The following KY variants were observed in gnomAD, a reference collection of about 807,000 sequenced individuals.
The protein encoded by KY is kyphoscoliosis peptidase.
A neutral mutation model predicts 76.1 loss-of-function variants in KY; 43 were observed. The observed-to-expected ratio is 0.57, with a 90% confidence interval of 0.44 to 0.73. KY has a LOEUF of 0.73. Among genes scored for constraint, KY ranks in the 30% least tolerant of loss-of-function variants. The pLI, the probability that KY is intolerant of heterozygous loss-of-function variation, is 0.00. For synonymous variants in KY, 277 were observed against 326.2 expected, an observed-to-expected ratio of 0.85 and a Z score of 1.63; for missense variants, 722 against 828.9, an observed-to-expected ratio of 0.87 and a Z score of 1.58.
At chr3:134,622,323 T>G (rs191817658) in intron 6 of KY, among the ~76,000 whole-genome samples, 1 of 152,274 alleles carries the variant, frequency 6.6e-6, no homozygotes, top group Admixed American at 6.5e-5. Flanking sequence ...CATCCATGAA[T>G]GAAAGGATAA....
intron 3 of KY, among the ~76,000 whole-genome samples, chr3:134,638,831 A>G (rs1272990218): frequency 6.6e-6 from 1 of 152,196 alleles, no homozygotes; most frequent in East Asian, 1.9e-4. Flanking sequence ...AGTATGGCAA[A>G]CAGGTTTCAT....
chr3:134,640,755 C>T lies in KY; in HGVS notation c.262+2561G>A, dbSNP rs75905615. ...CTTCCTGCATCTCCCTCATCTTCAT[C>T]CTCCCCATTGCTCAGGTCCCAAGCC... is the stretch of plus-strand genomic sequence containing the variant. On this transcript the variant is annotated intron_variant, in intron 3 of 10. Transcript: ENST00000423778. 2.1e-3 allele frequency among the ~76,000 whole-genome samples: 323 copies of T among 152,322 alleles called. 3 individuals carry two copies. Among genetic ancestry groups the T allele is most frequent in the Non-Finnish European group, 2.9e-3 (196 of 68,030 alleles).
chr3:134,643,837 T>TC (rs1966086663), intron 2 of KY, among the ~76,000 whole-genome samples: 4 of 151,600 alleles, frequency 2.6e-5, no homozygotes, highest in Admixed American at 2.0e-4. Flanking sequence ...TTCTTTTTTT[T>TC]TTTTTTTGAG....
At position 134,600,751 on chromosome 3, in the gene KY, C is replaced by G. The variant is rs1958928460; in HGVS notation, c.*2828G>C. ...CCATCCAGTCCTATGTCAAGTGCTT[C>G]TGTTTCAAGAAGTTATTTCCAGGCA... On this transcript the variant is annotated 3_prime_UTR_variant, in exon 11 of 11. Coordinates refer to ENST00000423778, the MANE Select transcript of KY (RefSeq NM_178554.6). 6.6e-6 allele frequency: 1 copy of G among 152,268 alleles called. No individual in the cohort carries two copies. Among genetic ancestry groups the G allele is most frequent in the Non-Finnish European group, 1.5e-5 (1 of 68,080 alleles). The allele number at this position is 152,268 out of a possible 1,614,324, so 9.4% of individuals were successfully genotyped here.
At chr3:134,610,516 A>G (rs891293484) in intron 8 of KY, 133 bp from the exon 9 acceptor site, 1 of 742,456 alleles carries the variant, frequency 1.3e-6, no homozygotes, top group Non-Finnish European at 2.2e-6. Context: ...TGCTTCTTGT[A>G]CTCACATATA....
chr3:134,619,728 G>T (rs79169524), intron 7 of KY, among the ~76,000 whole-genome samples: 1 of 152,384 alleles, frequency 6.6e-6, no homozygotes, highest in African/African-American at 2.4e-5. Context: ...ACATTGCAAA[G>T]AAGCCTGAGG....
At chr3:134,608,542 G>C in intron 10 of KY, 107 bp downstream of exon 10, 2 of 1,604,822 alleles carry the variant, frequency 1.2e-6, no homozygotes, top group South Asian at 2.2e-5. Flanking sequence ...CAAGCCATGC[G>C]TCTGGAAGGG....
Position 134,603,461 on chromosome 3 carries a change from G to A in KY, c.*118C>T, listed in dbSNP as rs746904033. 1 of 880,552 alleles carries A rather than the reference G, an allele frequency of 1.1e-6. No individual in the cohort carries two copies. Among genetic ancestry groups the A allele is most frequent in the Admixed American group, 2.5e-5 (1 of 40,376 alleles). The allele number at this position is 880,552 out of a possible 1,614,324, so 54.5% of individuals were successfully genotyped here. ...GCAGAGGTGGGACACTGAGGCAGAGGCCTAGAAGGGATTTCATGCAGACTC... is the reference window on the plus strand; with the variant it reads ...GCAGAGGTGGGACACTGAGGCAGAGACCTAGAAGGGATTTCATGCAGACTC... On this transcript the variant is annotated 3_prime_UTR_variant, in exon 11 of 11. Coordinates refer to ENST00000423778, the MANE Select transcript of KY (RefSeq NM_178554.6).
chr3:134,608,914 G>A, intron 9 of KY, 75 bp from the exon 10 acceptor site: 1 of 1,505,450 alleles, frequency 6.6e-7, no homozygotes, highest in Non-Finnish European at 8.9e-7. Flanking sequence ...CACCGGAGTG[G>A]TCCTATGGAC....
intron 6 of KY, among the ~76,000 whole-genome samples, chr3:134,621,333 C>A (rs1962578027): frequency 6.6e-6 from 1 of 152,084 alleles, no homozygotes; most frequent in Non-Finnish European, 1.5e-5. Context: ...TGTAGAACTA[C>A]AGTAATCAAA....
Position 134,603,656 on chromosome 3 carries a change from CT to C in KY, c.1908del (p.Val637SerfsTer18). The C allele has an allele frequency of 1.9e-6, 3 of 1,613,472 alleles. No individual in the cohort carries two copies. Among genetic ancestry groups the C allele is most frequent in the Non-Finnish European group, 1.7e-6 (2 of 1,179,616 alleles). On this transcript the variant is annotated frameshift_variant, in exon 11 of 11. Transcript: ENST00000423778. LOFTEE classifies it high-confidence loss of function. ...EGSCSTAGCQ[E>X]VYVMVLENAN... is the part of the protein sequence containing the mutation. Reference sequence around the variant, plus strand: ...GCATTCTCCAGCACCATGACATAGACTTCCTGGCAGCCAGCTGTGCTGCAGC... The same window carrying C: ...GCATTCTCCAGCACCATGACATAGACTCCTGGCAGCCAGCTGTGCTGCAGC...
rs1959054936 is a variant in KY at position 134,603,405 on chromosome 3, C to A, written c.*174G>T. The stretch of plus-strand genomic sequence containing the variant: ...CAGTCACAGCCACACCTGAGTGAAG[C>A]CTTCAGAACACAAAGATCACAGCTC... On this transcript the variant is annotated 3_prime_UTR_variant, in exon 11 of 11. Coordinates refer to ENST00000423778, the MANE Select transcript of KY (RefSeq NM_178554.6). The A allele has an allele frequency of 3.4e-6, 2 of 587,558 alleles. No individual in the cohort carries two copies. The highest frequency in any genetic ancestry group is 2.6e-5 in the South Asian group (1 of 37,926). 36.4% of individuals were successfully genotyped at this position (587,558 alleles called of 1,614,324 possible).
At chr3:134,608,478 G>A (rs1406997433) in intron 10 of KY, 171 bp downstream of exon 10, 1 of 1,535,548 alleles carries the variant, frequency 6.5e-7, no homozygotes. Flanking sequence ...GGCCTGGGCT[G>A]CCTCAGCAGC....
chr3:134,614,616 C>A (rs1276266631), intron 8 of KY, among the ~76,000 whole-genome samples: 1 of 152,040 alleles, frequency 6.6e-6, no homozygotes, highest in Non-Finnish European at 1.5e-5. Flanking sequence ...ACCTGGGTTA[C>A]CCTTGATGAA....
intron 3 of KY, among the ~76,000 whole-genome samples, chr3:134,634,935 A>G (rs1964724591): frequency 6.6e-6 from 1 of 152,256 alleles, no homozygotes; most frequent in African/African-American, 2.4e-5. Flanking sequence ...ATTGGATCTC[A>G]TATATTGCTA....
chr3:134,604,069 TC>T lies in KY; in HGVS notation c.1495del (p.Asp499MetfsTer25). ...TGTCTCCTCAGTGATGGGGCCATCATCCCCGTGGAGGGAAGCCAGGACATTA... is the reference window on the plus strand; with the variant it reads ...TGTCTCCTCAGTGATGGGGCCATCATCCCGTGGAGGGAAGCCAGGACATTA... ...GINVLASLHGDDGPITEETQR... is the reference protein window; with the variant it reads ...GINVLASLHGXDGPITEETQR... On this transcript the variant is annotated frameshift_variant, in exon 11 of 11. Transcript: ENST00000423778. LOFTEE classifies it high-confidence loss of function. The T allele has an allele frequency of 6.2e-7, 1 of 1,613,740 alleles. No homozygotes were observed. Among genetic ancestry groups the T allele is most frequent in the Non-Finnish European group, 8.5e-7 (1 of 1,179,782 alleles).
chr3:134,648,524 A>T (rs564353278), intron 1 of KY, among the ~76,000 whole-genome samples: 1 of 152,070 alleles, frequency 6.6e-6, no homozygotes, highest in African/African-American at 2.4e-5. Flanking sequence ...GAGTATATGC[A>T]CTCTACTTTC....
chr3:134,616,314 A>G (rs887463675), intron 8 of KY, among the ~76,000 whole-genome samples: 38 of 152,350 alleles, frequency 2.5e-4, no homozygotes, highest in African/African-American at 8.9e-4. Context: ...TACTTTATTA[A>G]ATCAGTCTTT....
rs369074408 is a variant in KY, at chr3:134,604,049, C to T, written c.1516G>A (p.Glu506Lys). The T allele has an allele frequency of 8.1e-6, 13 of 1,614,004 alleles. No individual in the cohort carries two copies. In the South Asian group the frequency reaches 1.3e-4, roughly 16 times the overall value. The change falls in exon 11 of 11, where the codon GAG becomes AAG. Residue 506 changes from glutamate (E) to lysine (K), a missense_variant. Transcript: ENST00000423778. Reference protein sequence around the residue: ...LHGDDGPITEETQRRYIFQLH... With the variant: ...LHGDDGPITEKTQRRYIFQLH... The stretch of plus-strand genomic sequence containing the variant: ...TGGAAGATGTAGCGCCGCTGTGTCT[C>T]CTCAGTGATGGGGCCATCATCCCCG...
Sources: gnomAD v4.1 joint callset for allele counts (sites outside exome capture counted in the v4.1 genomes callset) on GRCh38, gnomAD v4.1.1 for gene constraint, MANE v1.5 for transcripts, NCBI Gene and HGNC (gene_info 2026-07-23, HGNC 2026-07-21) for gene names.